Variants in TTLL9 observed in about 807,000 individuals in gnomAD.
TTLL9 encodes tubulin tyrosine ligase like 9, also known as probable tubulin polyglutamylase TTLL9.
TTLL9 carries 47 observed loss-of-function variants against 65.6 expected under a neutral mutation model. That is an observed-to-expected ratio of 0.72 (90% CI 0.57 to 0.91). The LOEUF (loss-of-function observed/expected upper bound fraction) is 0.91. Among genes scored for constraint, TTLL9 ranks in the 40% least tolerant of loss-of-function variants. TTLL9 has a pLI of 0.00. For synonymous variants in TTLL9, 179 were observed against 204.8 expected (o/e 0.87, Z 1.07); for missense variants, 537 against 568.8 (o/e 0.94, Z 0.57).
At position 31,871,167 on chromosome 20, in the gene TTLL9, C is replaced by T. The variant is rs954836328; in HGVS notation, c.41C>T (p.Thr14Ile). The T allele has an allele frequency of 1.2e-6, 2 of 1,614,154 alleles. No individual in the cohort carries two copies. Among genetic ancestry groups the T allele is most frequent in the Non-Finnish European group, 1.7e-6 (2 of 1,180,030 alleles). Residue 14 changes from threonine (T) to isoleucine (I), a missense_variant, in exon 2 of 15, where the codon ACT (threonine) becomes ATT (isoleucine). Physicochemically the swap from Thr to Ile is moderately conservative, Grantham distance 89. Around this residue, in one of 3 missense-constraint regions of TTLL9, gnomAD observed 320 missense variants for 311.0 expected, o/e 1.03. Transcript: ENST00000535842. ...GAAGCTCTGCTGGGACCAGGCACAA[C>T]TGCCATTAGGTGCCCCAAGAAATTA... ...SREALLGPGT[T>I]AIRCPKKLQN... is the part of the protein sequence containing the mutation.
Position 31,911,074 on chromosome 20 carries a change from C to T in TTLL9, c.504+1152C>T, listed in dbSNP as rs899857750. ...CCTGTAATCCCAGCTCCTTGGGAGG[C>T]GGAGGCAGGAGAATTGCTTGAATCT... On this transcript the variant is annotated intron_variant, in intron 6 of 14. Coordinates refer to ENST00000535842, the MANE Select transcript of TTLL9 (RefSeq NM_001008409.5). Among the ~76,000 whole-genome samples the T allele has an allele frequency of 2.6e-5, 4 of 151,918 alleles. No homozygotes were observed. The South Asian group carries it at 6.2e-4, about 24-fold the overall frequency.
intron 10 of TTLL9, among the ~76,000 whole-genome samples, chr20:31,930,052 C>T (rs547427810): frequency 2.5e-4 from 38 of 152,144 alleles, no homozygotes; most frequent in South Asian, 1.0e-3. Context: ...CACTTGAACC[C>T]GGGAGGTGGA....
At chr20:31,896,925 T>G (rs751241093) in intron 3 of TTLL9, among the ~76,000 whole-genome samples, 1 of 152,224 alleles carries the variant, frequency 6.6e-6, no homozygotes, top group Non-Finnish European at 1.5e-5. Flanking sequence ...TGCTGAATTC[T>G]ATTTGATTGC....
At position 31,937,498 on chromosome 20, in the gene TTLL9, C is replaced by T. The variant is rs1361561907; in HGVS notation, c.1107C>T (p.Asp369=). The stretch of plus-strand genomic sequence containing the variant: ...TGGAAGACACCCTGCATGTTGTGGA[C>T]ATGGAAGCGAGGTGAGGGAGGGCAG... The part of the protein sequence containing the change: ...CLLEDTLHVV[D]MEARLTGREK... Residue 369 remains aspartate (D), a synonymous_variant, in exon 13 of 15, where the codon GAC becomes GAT. Transcript: ENST00000535842. The T allele has an allele frequency of 6.2e-7, 1 of 1,613,298 alleles. No homozygotes were observed. The highest frequency in any genetic ancestry group is 8.5e-7 in the Non-Finnish European group (1 of 1,179,484).
chr20:31,902,424 A>G (rs1252577815), intron 4 of TTLL9, among the ~76,000 whole-genome samples: 1 of 152,162 alleles, frequency 6.6e-6, no homozygotes, highest in Non-Finnish European at 1.5e-5. Flanking sequence ...TGTGTCGCCC[A>G]GGCTGGAGTC....
At chr20:31,925,871 AG>A in intron 9 of TTLL9, 177 bp from the exon 10 acceptor site, 7 of 1,551,582 alleles carry the variant, frequency 4.5e-6, no homozygotes, top group Non-Finnish European at 6.1e-6. Context: ...CCTCTGCCTT[AG>A]TACATCCCGC....
At chr20:31,882,042 G>A (rs1404702147) in intron 2 of TTLL9, among the ~76,000 whole-genome samples, 1 of 152,162 alleles carries the variant, frequency 6.6e-6, no homozygotes, top group Non-Finnish European at 1.5e-5. Context: ...AATGACCCAG[G>A]GGAAATAGGA....
rs1026488981 is a variant in TTLL9, at chr20:31,879,648, A to G, written c.70-7548A>G. 37 of 588,478 alleles carry G rather than the reference A, an allele frequency of 6.3e-5. No homozygotes were observed. The African/African-American group carries it at 6.6e-4, about 10-fold the overall frequency. 36.5% of individuals were successfully genotyped at this position (588,478 alleles called of 1,614,324 possible). A position where few individuals can be genotyped will look rare whatever the true frequency, so the allele number is the denominator to read the frequency against. ...AACGAACTGCCCCAGGGTCGCGGAGAGGCGAGGCTGGAAAAGAAAGGTTGA... is the reference window on the plus strand; with the variant it reads ...AACGAACTGCCCCAGGGTCGCGGAGGGGCGAGGCTGGAAAAGAAAGGTTGA... On this transcript the variant is annotated intron_variant, in intron 2 of 14. Transcript: ENST00000535842.
intron 12 of TTLL9, among the ~76,000 whole-genome samples, chr20:31,936,689 T>A (rs2064114426): frequency 6.6e-6 from 1 of 152,164 alleles, no homozygotes; most frequent in African/African-American, 2.4e-5. Flanking sequence ...GTGTGCAAAT[T>A]TTCACTAAGA....
chr20:31,906,070 A>C (rs558325205), intron 4 of TTLL9, among the ~76,000 whole-genome samples: 40 of 151,494 alleles, frequency 2.6e-4, no homozygotes, highest in Non-Finnish European at 5.2e-4. Context: ...AGAAAATTCC[A>C]AAGGGATCTC....
At chr20:31,925,554 A>G (rs893691331) in intron 9 of TTLL9, among the ~76,000 whole-genome samples, 1 of 152,094 alleles carries the variant, frequency 6.6e-6, no homozygotes, top group South Asian at 2.1e-4. Flanking sequence ...CCCTCCACCC[A>G]TTCATGCATT....
intron 9 of TTLL9, 83 bp downstream of exon 9, chr20:31,925,132 G>A: frequency 7.0e-7 from 1 of 1,426,728 alleles, no homozygotes; most frequent in Non-Finnish European, 9.8e-7. Context: ...AGGCCTGGGG[G>A]TACCTTGTGT....
chr20:31,872,466 C>T (rs1412658107), intron 2 of TTLL9, among the ~76,000 whole-genome samples: 8 of 150,386 alleles, frequency 5.3e-5, no homozygotes, highest in African/African-American at 2.0e-4. Flanking sequence ...TGTGTGAGCC[C>T]AGGAGTTTGA....
intron 3 of TTLL9, among the ~76,000 whole-genome samples, chr20:31,895,501 C>G (rs1336827478): frequency 6.6e-6 from 1 of 152,180 alleles, no homozygotes; most frequent in African/African-American, 2.4e-5. Context: ...TGAGACTCCT[C>G]CCTTCATGAC....
intron 3 of TTLL9, among the ~76,000 whole-genome samples, chr20:31,898,012 C>T (rs935124135): frequency 3.9e-5 from 6 of 152,186 alleles, no homozygotes; most frequent in Non-Finnish European, 5.9e-5. Flanking sequence ...AATTCACCAC[C>T]ATGTAGTTCC....
At chr20:31,889,532 C>T (rs2063252054) in intron 3 of TTLL9, among the ~76,000 whole-genome samples, 2 of 151,612 alleles carry the variant, frequency 1.3e-5, no homozygotes, top group Admixed American at 6.6e-5. Context: ...AAGTGATTCT[C>T]CTGCCTCAGC....
Position 31,943,837 on chromosome 20 carries a change from G to C in TTLL9, c.*816G>C, listed in dbSNP as rs1017899460. The stretch of plus-strand genomic sequence containing the variant: ...GGGCTCATGGGCAGGACAGCTTCGG[G>C]AGTTGAGTGTGAGTAAAAATCTGCC... On this transcript the variant is annotated 3_prime_UTR_variant, in exon 15 of 15. Coordinates refer to ENST00000535842, the MANE Select transcript of TTLL9 (RefSeq NM_001008409.5). 20 of 456,682 alleles carry C rather than the reference G, an allele frequency of 4.4e-5. No homozygotes were observed. The highest frequency in any genetic ancestry group is 4.0e-4 in the African/African-American group (20 of 50,188). The allele number at this position is 456,682 out of a possible 1,614,324, so 28.3% of individuals were successfully genotyped here. A position where few individuals can be genotyped will look rare whatever the true frequency, so the allele number is the denominator to read the frequency against.
At chr20:31,925,139 G>C in intron 9 of TTLL9, 90 bp downstream of exon 9, 1 of 1,356,504 alleles carries the variant, frequency 7.4e-7, no homozygotes, top group Non-Finnish European at 1.0e-6. Flanking sequence ...GGGGTACCTT[G>C]TGTGAGCTTG....
At chr20:31,909,125 ATTTTTTTTTTT>A (rs11476481) in intron 5 of TTLL9, among the ~76,000 whole-genome samples, 4 of 79,382 alleles carry the variant, frequency 5.0e-5, no homozygotes, top group Non-Finnish European at 9.5e-5. Context: ...TGAAAGCATG[ATTTTTTTTTTT>A]TTTTTTTTTT....
Sources: gnomAD v4.1 joint callset for allele counts (sites outside exome capture counted in the v4.1 genomes callset) on GRCh38, gnomAD v4.1.1 for gene constraint, gnomAD v4.1.1 regional missense constraint, MANE v1.5 for transcripts, NCBI Gene and HGNC (gene_info 2026-07-23, HGNC 2026-07-21) for gene names.